The following SORCS1 variants were observed in gnomAD, a reference collection of about 807,000 sequenced individuals.
SORCS1 encodes sortilin related VPS10 domain containing receptor 1, also known as VPS10 domain-containing receptor SorCS1.
Under a neutral mutation model 146.1 loss-of-function variants are expected in SORCS1, and 60 were observed. The observed-to-expected ratio is 0.41, with a 90% CI of 0.33 to 0.51. The LOEUF (loss-of-function observed/expected upper bound fraction) is 0.51. SORCS1 is among the 20% of genes least tolerant of loss of function. SORCS1 has a pLI of 0.21. For synonymous variants in SORCS1, 637 were observed against 584.0 expected, an observed-to-expected ratio of 1.09 and a Z score of -1.31; for missense variants, 1,352 against 1,487.6, an observed-to-expected ratio of 0.91 and a Z score of 1.50.
rs1397987219 is a variant in SORCS1 at position 106,999,258 on chromosome 10, T to C, written c.559-42678A>G. 2.6e-5 allele frequency among the ~76,000 whole-genome samples: 4 copies of C among 151,990 alleles called. No individual in the cohort carries two copies. The East Asian group carries it at 7.8e-4, about 29-fold the overall frequency. ...CACCACTGCCACCACCAAACATACA[T>C]ACACACACACAGATGCACACACACA... On this transcript the variant is annotated intron_variant, in intron 1 of 25. Coordinates refer to ENST00000263054, the MANE Select transcript of SORCS1 (RefSeq NM_052918.5).
chr10:106,822,537 G>A (rs935488709), intron 3 of SORCS1, among the ~76,000 whole-genome samples: 1 of 152,146 alleles, frequency 6.6e-6, no homozygotes, highest in Non-Finnish European at 1.5e-5. Flanking sequence ...AGTAAAAAGA[G>A]AGATGCAGCA....
chr10:107,001,401 T>A (rs950591942), intron 1 of SORCS1, among the ~76,000 whole-genome samples: 2 of 151,744 alleles, frequency 1.3e-5, no homozygotes, highest in African/African-American at 4.8e-5. Context: ...CAGAGGGGGG[T>A]CAAGTTTGCT....
chr10:107,130,185 CAAT>C (rs1966852146), intron 1 of SORCS1, among the ~76,000 whole-genome samples: 3 of 152,186 alleles, frequency 2.0e-5, no homozygotes, highest in Admixed American at 1.3e-4. Context: ...GTCAAACCAC[CAAT>C]AATGAGACAA....
intron 5 of SORCS1, among the ~76,000 whole-genome samples, chr10:106,752,385 T>C (rs1443769202): frequency 6.6e-6 from 1 of 152,178 alleles, no homozygotes; most frequent in Non-Finnish European, 1.5e-5. Context: ...CACAGCATCT[T>C]TGTATTCAAA....
At chr10:106,595,663 C>T (rs1331832602) in intron 24 of SORCS1, among the ~76,000 whole-genome samples, 3 of 152,132 alleles carry the variant, frequency 2.0e-5, no homozygotes, top group African/African-American at 7.2e-5. Flanking sequence ...CTTGGCCTTC[C>T]GCTAGACCTA....
At chr10:106,987,075 TTTC>T (rs1956511941) in intron 1 of SORCS1, among the ~76,000 whole-genome samples, 1 of 152,206 alleles carries the variant, frequency 6.6e-6, no homozygotes. Context: ...AACTGGATCT[TTTC>T]TTCTTCTGAA....
At chr10:106,776,839 A>C (rs12254076) in intron 3 of SORCS1, 147 bp from the exon 4 acceptor site, 26,674 of 756,024 alleles carry the variant, frequency 0.035, 824 homozygotes, top group East Asian at 0.11. Flanking sequence ...CTCTGTCAGG[A>C]TTATTTTTCC....
intron 1 of SORCS1, among the ~76,000 whole-genome samples, chr10:107,002,818 T>C (rs1957273362): frequency 6.6e-6 from 1 of 152,210 alleles, no homozygotes; most frequent in Non-Finnish European, 1.5e-5. Context: ...AACACAGATG[T>C]AAAAGTGCCA....
chr10:106,781,956 C>A (rs1211225100), intron 3 of SORCS1, among the ~76,000 whole-genome samples: 1 of 150,344 alleles, frequency 6.7e-6, no homozygotes, highest in Non-Finnish European at 1.5e-5. Flanking sequence ...ATCAAGCACA[C>A]ACTGATAGAA....
chr10:107,147,492 TTCTC>T (rs927672815), intron 1 of SORCS1, among the ~76,000 whole-genome samples: 5 of 151,736 alleles, frequency 3.3e-5, no homozygotes, highest in Non-Finnish European at 5.9e-5. Flanking sequence ...CTACGCTTCT[TTCTC>T]TCTCTCTCTG....
chr10:106,815,444 G>T (rs939850595), intron 3 of SORCS1, among the ~76,000 whole-genome samples: 3 of 152,172 alleles, frequency 2.0e-5, no homozygotes, highest in Admixed American at 6.5e-5. Flanking sequence ...AGTTAGGTAT[G>T]TATGGGAGGA....
chr10:106,858,796 A>G (rs927530892), intron 2 of SORCS1, among the ~76,000 whole-genome samples: 23 of 152,250 alleles, frequency 1.5e-4, no homozygotes, highest in African/African-American at 5.5e-4. Flanking sequence ...GGGCAAAGTA[A>G]TTTAAGCAGA....
intron 1 of SORCS1, among the ~76,000 whole-genome samples, chr10:107,043,916 T>G (rs2134006090): frequency 6.6e-6 from 1 of 152,356 alleles, no homozygotes; most frequent in African/African-American, 2.4e-5. Flanking sequence ...ACTTCACGTC[T>G]AGGTTTTTGG....
At chr10:106,589,629 G>T (rs1443326441) in intron 24 of SORCS1, among the ~76,000 whole-genome samples, 3 of 140,146 alleles carry the variant, frequency 2.1e-5, no homozygotes, top group South Asian at 2.5e-4. Context: ...TCCTGATGGG[G>T]TTTTTCACTT....
At chr10:106,767,625 A>T (rs1253804464) in intron 4 of SORCS1, among the ~76,000 whole-genome samples, 1 of 152,112 alleles carries the variant, frequency 6.6e-6, no homozygotes, top group East Asian at 1.9e-4. Context: ...ATTAGCTAGG[A>T]TCACAGGCAT....
chr10:107,068,885 A>AAG (rs1554938883), intron 1 of SORCS1, among the ~76,000 whole-genome samples: 1 of 150,906 alleles, frequency 6.6e-6, no homozygotes, highest in African/African-American at 2.4e-5. Flanking sequence ...AAAAAAAAAA[A>AAG]GGAAACCTCA....
At chr10:106,785,050 G>A (rs1945992219) in intron 3 of SORCS1, among the ~76,000 whole-genome samples, 1 of 152,130 alleles carries the variant, frequency 6.6e-6, no homozygotes, top group Non-Finnish European at 1.5e-5. Flanking sequence ...CCTAATGAAG[G>A]AGTTCAGGAA....
At chr10:107,140,700 A>ATT (rs1967737215) in intron 1 of SORCS1, among the ~76,000 whole-genome samples, 1 of 152,230 alleles carries the variant, frequency 6.6e-6, no homozygotes, top group Non-Finnish European at 1.5e-5. Flanking sequence ...CTTTCAAGAC[A>ATT]TCTATAGCTC....
At chr10:106,770,268 C>A (rs2136318402) in intron 4 of SORCS1, among the ~76,000 whole-genome samples, 1 of 152,124 alleles carries the variant, frequency 6.6e-6, no homozygotes. Flanking sequence ...AACTGTGATC[C>A]TTTGGAATTT....
Sources: allele counts gnomAD v4.1 joint callset (sites outside exome capture counted in the v4.1 genomes callset), GRCh38; gene constraint gnomAD v4.1.1; transcripts MANE v1.5; gene names NCBI Gene and HGNC (gene_info 2026-07-23, HGNC 2026-07-21).